C2CD5: variants seen among roughly 807,000 people sequenced by gnomAD.
C2CD5 encodes the protein C2 domain-containing protein 5.
In C2CD5, 109 loss-of-function variants were observed where a neutral mutation model predicts 130.3. The observed-to-expected ratio is 0.84, with a 90% CI of 0.72 to 0.98. The LOEUF (loss-of-function observed/expected upper bound fraction) is 0.98, where lower values mean the gene tolerates loss of function less well. Among genes scored for constraint, C2CD5 ranks in the 50% least tolerant of loss-of-function variants. C2CD5 has a pLI of 0.00. For missense variants in C2CD5, 996 were observed against 1,261.8 expected, an observed-to-expected ratio of 0.79 and a Z score of 3.19; for synonymous variants, 454 against 429.2, an observed-to-expected ratio of 1.06 and a Z score of -0.71.
Position 22,527,719 on chromosome 12 carries a change from A to G in C2CD5, c.349+2T>C. ...TTATAATACTTTCTTATTATTCCTTACCATGTATGGTGTCATAAATTGGAA... is the reference window on the plus strand; with the variant it reads ...TTATAATACTTTCTTATTATTCCTTGCCATGTATGGTGTCATAAATTGGAA... On this transcript the variant is annotated splice_donor_variant, in intron 4 of 26. Coordinates refer to ENST00000446597, the MANE Select transcript of C2CD5 (RefSeq NM_001286176.2). LOFTEE classifies it high-confidence loss of function. The G allele has an allele frequency of 6.7e-7, 1 of 1,482,960 alleles. No individual in the cohort carries two copies. The highest frequency in any genetic ancestry group is 9.2e-7 in the Non-Finnish European group (1 of 1,081,770). The allele number at this position is 1,482,960 out of a possible 1,614,324, so 91.9% of individuals were successfully genotyped here.
intron 22 of C2CD5, among the ~76,000 whole-genome samples, chr12:22,465,353 C>G (rs2136101750): frequency 6.6e-6 from 1 of 152,072 alleles, no homozygotes; most frequent in South Asian, 2.1e-4. Flanking sequence ...TTTAAATGAT[C>G]AGTGTTTTAA....
chr12:22,519,268 A>T, intron 7 of C2CD5: 4 of 1,529,090 alleles, frequency 2.6e-6, no homozygotes, highest in Non-Finnish European at 2.6e-6. Context: ...AAAGTGGAAG[A>T]AAAGAAAACA....
chr12:22,489,020 C>T (rs528181494), intron 12 of C2CD5, among the ~76,000 whole-genome samples: 78 of 151,764 alleles, frequency 5.1e-4, no homozygotes, highest in African/African-American at 1.8e-3. Flanking sequence ...GGATTAGAGG[C>T]GCCCACCATC....
At chr12:22,504,464 GC>G (rs1188323434) in intron 10 of C2CD5, among the ~76,000 whole-genome samples, 1 of 152,050 alleles carries the variant, frequency 6.6e-6, no homozygotes, top group Non-Finnish European at 1.5e-5. Flanking sequence ...ACCAGGCCCA[GC>G]TAATTTTTGT....
intron 2 of C2CD5, among the ~76,000 whole-genome samples, chr12:22,536,831 A>G (rs989041658): frequency 6.6e-6 from 1 of 152,158 alleles, no homozygotes; most frequent in Admixed American, 6.5e-5. Flanking sequence ...GGGAGCATTC[A>G]AGTATTACTT....
At chr12:22,488,667 A>G (rs980976290) in intron 12 of C2CD5, among the ~76,000 whole-genome samples, 1 of 152,032 alleles carries the variant, frequency 6.6e-6, no homozygotes. Context: ...AGAATATTCT[A>G]ATTATTTACT....
At chr12:22,483,449 T>G (rs192308576) in intron 13 of C2CD5, among the ~76,000 whole-genome samples, 2 of 152,130 alleles carry the variant, frequency 1.3e-5, no homozygotes, top group Admixed American at 1.3e-4. Flanking sequence ...ACAGTAGCAA[T>G]GAAAGCCAGA....
intron 22 of C2CD5, chr12:22,463,255 G>C (rs1941505841): frequency 6.6e-6 from 1 of 151,952 alleles, no homozygotes; most frequent in African/African-American, 2.4e-5. Flanking sequence ...GCCAGGCATG[G>C]TGGCAGGCGC....
chr12:22,491,304 G>C (rs1946321266), intron 11 of C2CD5, among the ~76,000 whole-genome samples: 1 of 152,040 alleles, frequency 6.6e-6, no homozygotes, highest in Non-Finnish European at 1.5e-5. Context: ...TACATCCTGT[G>C]GCCTTCTTTT....
At chr12:22,527,913 T>G (rs1446855410) in intron 3 of C2CD5, 21 bp from the exon 4 acceptor site, 1 of 1,530,442 alleles carries the variant, frequency 6.5e-7, no homozygotes, top group Non-Finnish European at 8.9e-7. Flanking sequence ...ACCTTAAAAT[T>G]AAAACTCATA....
chr12:22,534,685 T>G (rs1183147452), intron 3 of C2CD5: 1 of 152,466 alleles, frequency 6.6e-6, no homozygotes, highest in Non-Finnish European at 1.5e-5. Context: ...GGACAAGTAT[T>G]ATATGACTCC....
chr12:22,543,934 T>C (rs1324865206), intron 2 of C2CD5, 127 bp downstream of exon 2: 1 of 697,918 alleles, frequency 1.4e-6, no homozygotes, highest in South Asian at 1.7e-5. Context: ...GTGGGAGAGC[T>C]GGACAACCAC....
intron 24 of C2CD5, 144 bp from the exon 25 acceptor site, chr12:22,457,305 T>C: frequency 2.0e-6 from 1 of 491,536 alleles, no homozygotes; most frequent in Non-Finnish European, 3.6e-6. Flanking sequence ...TATCATGCAC[T>C]GCATGCAATT....
intron 8 of C2CD5, among the ~76,000 whole-genome samples, chr12:22,516,354 T>C (rs1300085034): frequency 6.6e-6 from 1 of 151,824 alleles, no homozygotes; most frequent in East Asian, 1.9e-4. Flanking sequence ...GCTAATATTA[T>C]ATAAATAAAC....
chr12:22,499,011 T>C (rs1305641476), intron 10 of C2CD5, among the ~76,000 whole-genome samples: 1 of 152,184 alleles, frequency 6.6e-6, no homozygotes. Flanking sequence ...AAAAATTATG[T>C]ATGTGAGCTA....
chr12:22,513,436 T>G, intron 8 of C2CD5, 57 bp from the exon 9 acceptor site: 1 of 1,023,484 alleles, frequency 9.8e-7, no homozygotes, highest in African/African-American at 1.6e-5. Flanking sequence ...AAACAAAGTT[T>G]AATTGCATTC....
intron 25 of C2CD5, among the ~76,000 whole-genome samples, chr12:22,454,551 T>C (rs554647818): frequency 6.7e-6 from 1 of 149,226 alleles, no homozygotes; most frequent in South Asian, 2.1e-4. Context: ...TGGCACATGT[T>C]GCTCCTGCAG....
chr12:22,471,934 G>A (rs746253988), intron 19 of C2CD5, 33 bp downstream of exon 19: 14 of 1,076,936 alleles, frequency 1.3e-5, no homozygotes, highest in South Asian at 7.5e-5. Context: ...TATTATAGAC[G>A]CATGAAATAA....
chr12:22,517,954 G>A, intron 8 of C2CD5, 32 bp downstream of exon 8: 6 of 1,548,198 alleles, frequency 3.9e-6, no homozygotes, highest in Non-Finnish European at 5.2e-6. Context: ...TTTTAAAAAA[G>A]AAAAAATAAA....
Sources: gnomAD v4.1 joint callset for allele counts (sites outside exome capture counted in the v4.1 genomes callset) on GRCh38, gnomAD v4.1.1 for gene constraint, MANE v1.5 for transcripts, NCBI Gene and HGNC (gene_info 2026-07-23, HGNC 2026-07-21) for gene names.